CSDC2: variants seen among roughly 807,000 people sequenced by gnomAD.
CSDC2 encodes cold shock domain containing C2, also known as cold shock domain-containing protein C2.
A neutral mutation model predicts 15.8 loss-of-function variants in CSDC2; 8 were observed. That is an observed-to-expected ratio of 0.51 (90% confidence interval 0.30 to 0.92). The LOEUF (loss-of-function observed/expected upper bound fraction) is 0.92, where lower values mean the gene tolerates loss of function less well. Ranked by LOEUF, CSDC2 falls within the 40% of genes least tolerant of loss-of-function variation. The pLI is 0.07. For missense variants in CSDC2, 195 were observed against 213.3 expected, an observed-to-expected ratio of 0.91 and a Z score of 0.53; for synonymous variants, 96 against 92.3, an observed-to-expected ratio of 1.04 and a Z score of -0.23.
In CSDC2 at chr22:41,561,078, ACAC is replaced by A. The variant is rs561904853; in HGVS notation, c.-228_-226del. On this transcript the variant is annotated 5_prime_UTR_variant, in exon 1 of 4. Transcript: ENST00000306149. ...CACACACACACACACACACACACAC[ACAC>A]ATCTTCCAGACCCATCCCCTGCCTG... The A allele has an allele frequency of 0.084, 6,902 of 82,514 alleles. 178 individuals carry two copies. Among genetic ancestry groups the A allele is most frequent in the Non-Finnish European group, 0.11 (3,519 of 30,732 alleles). The allele number at this position is 82,514 out of a possible 1,614,324, so 5.1% of individuals were successfully genotyped here.
chr22:41,569,144 G>A (rs532604740), intron 1 of CSDC2, among the ~76,000 whole-genome samples: 131 of 152,344 alleles, frequency 8.6e-4, no homozygotes, highest in African/African-American at 3.0e-3. Context: ...TGTCCCCATC[G>A]CCTGCCAACC....
intron 1 of CSDC2, among the ~76,000 whole-genome samples, chr22:41,569,298 A>G (rs2067133070): frequency 6.6e-6 from 1 of 152,228 alleles, no homozygotes; most frequent in African/African-American, 2.4e-5. Context: ...ATATACCATA[A>G]AATTCACCTG....
chr22:41,574,224 G>A (rs1249268688), intron 3 of CSDC2, among the ~76,000 whole-genome samples: 1 of 152,192 alleles, frequency 6.6e-6, no homozygotes, highest in East Asian at 1.9e-4. Flanking sequence ...GGTCCCCAAG[G>A]GACCCAGAAA....
chr22:41,568,396 G>A (rs2067127895), intron 1 of CSDC2, among the ~76,000 whole-genome samples: 1 of 152,086 alleles, frequency 6.6e-6, no homozygotes, highest in Admixed American at 6.6e-5. Flanking sequence ...CAATCCTGCT[G>A]CCTCAGATGC....
At position 41,564,353 on chromosome 22, in the gene CSDC2, G is replaced by A. The variant is rs149474478; in HGVS notation, c.-124+3170G>A. The stretch of plus-strand genomic sequence containing the variant: ...CGGCTCACTGCAAGCTCCGTCTCCC[G>A]GGTTCACACCATCCTCCGGCCTCAG... On this transcript the variant is annotated intron_variant, in intron 1 of 3. Transcript: ENST00000306149. Among the ~76,000 whole-genome samples, 1,339 of 152,044 alleles carry A rather than the reference G, an allele frequency of 8.8e-3. 29 individuals carry two copies. The highest frequency in any genetic ancestry group is 0.031 in the African/African-American group (1,269 of 41,494).
intron 1 of CSDC2, among the ~76,000 whole-genome samples, chr22:41,564,466 T>G (rs1375022849): frequency 6.6e-6 from 1 of 152,008 alleles, no homozygotes; most frequent in African/African-American, 2.4e-5. Context: ...TTCACCGTGT[T>G]AGCCAGGATG....
chr22:41,564,461 C>T (rs1043910381), intron 1 of CSDC2, among the ~76,000 whole-genome samples: 2 of 151,960 alleles, frequency 1.3e-5, no homozygotes, highest in Admixed American at 6.6e-5. Context: ...GGGGTTTCAC[C>T]GTGTTAGCCA....
At chr22:41,563,924 A>G (rs971846307) in intron 1 of CSDC2, among the ~76,000 whole-genome samples, 3 of 151,382 alleles carry the variant, frequency 2.0e-5, no homozygotes, top group Admixed American at 2.0e-4. Context: ...ACAAAAAAAA[A>G]AAAAGAAAAA....
Position 41,572,081 on chromosome 22 carries a change from G to T in CSDC2, c.116G>T (p.Gly39Val). Residue 39 changes from glycine (G) to valine (V), a missense_variant, in exon 2 of 4, where the codon GGT (glycine) becomes GTT (valine). Physicochemically the swap from Gly to Val is moderately radical, Grantham distance 109. Coordinates refer to ENST00000306149, the MANE Select transcript of CSDC2 (RefSeq NM_014460.4). ...REGSRVWERG[G>V]VPPRDLPSPL... is the part of the protein sequence containing the mutation. ...GGCAGCAGGGTCTGGGAGCGGGGTG[G>T]TGTCCCACCTCGGGACCTACCCAGC... 1 of 1,362,362 alleles carries T rather than the reference G, an allele frequency of 7.3e-7. No homozygotes were observed. Among genetic ancestry groups the T allele is most frequent in the Non-Finnish European group, 9.5e-7 (1 of 1,053,414 alleles). The allele number at this position is 1,362,362 out of a possible 1,614,324, so 84.4% of individuals were successfully genotyped here. A position where few individuals can be genotyped will look rare whatever the true frequency, so the allele number is the denominator to read the frequency against.
At chr22:41,566,360 C>T (rs1031444962) in intron 1 of CSDC2, among the ~76,000 whole-genome samples, 1 of 149,010 alleles carries the variant, frequency 6.7e-6, no homozygotes, top group African/African-American at 2.5e-5. Flanking sequence ...AGAAGAATCG[C>T]TTGAACCCCA....
chr22:41,574,950 CG>C lies in CSDC2; in HGVS notation c.*58del. The stretch of plus-strand genomic sequence containing the variant: ...GGGTTGGGGAGCCACACAGGGTGAA[CG>C]GGCAGCAGCCGGCTCCATGCCCCAC... On this transcript the variant is annotated 3_prime_UTR_variant, in exon 4 of 4. Transcript: ENST00000306149. The C allele has an allele frequency of 6.5e-7, 1 of 1,533,110 alleles. No individual in the cohort carries two copies. The allele number at this position is 1,533,110 out of a possible 1,614,324, so 95.0% of individuals were successfully genotyped here.
chr22:41,561,437 T>C (rs1203490345), intron 1 of CSDC2, among the ~76,000 whole-genome samples: 1 of 152,164 alleles, frequency 6.6e-6, no homozygotes, highest in Non-Finnish European at 1.5e-5. Flanking sequence ...GTCTGGGACC[T>C]GCGTCTGGCT....
chr22:41,561,969 C>T (rs552899310), intron 1 of CSDC2, among the ~76,000 whole-genome samples: 22 of 152,304 alleles, frequency 1.4e-4, no homozygotes, highest in South Asian at 6.2e-4. Flanking sequence ...AGATAAGGGG[C>T]GACGCTGGCA....
intron 2 of CSDC2, among the ~76,000 whole-genome samples, chr22:41,572,868 G>C (rs1489504635): frequency 1.3e-5 from 2 of 152,146 alleles, no homozygotes; most frequent in African/African-American, 4.8e-5. Context: ...GGGTCCATAT[G>C]GGGGAGGCCA....
intron 1 of CSDC2, among the ~76,000 whole-genome samples, chr22:41,562,372 G>A (rs886761600): frequency 7.1e-6 from 1 of 140,780 alleles, no homozygotes; most frequent in Non-Finnish European, 1.5e-5. Flanking sequence ...TCTGTTTTCT[G>A]TGTCTGCCCA....
chr22:41,572,271 A>T (rs1327949729), intron 2 of CSDC2, 130 bp downstream of exon 2: 1 of 708,380 alleles, frequency 1.4e-6, no homozygotes, highest in East Asian at 3.4e-5. Context: ...CAGTAACTGG[A>T]TGGATGTTTG....
At chr22:41,568,285 C>T (rs1043134096) in intron 1 of CSDC2, among the ~76,000 whole-genome samples, 5 of 151,786 alleles carry the variant, frequency 3.3e-5, no homozygotes, top group African/African-American at 1.2e-4. Context: ...CCACTACACC[C>T]AGCTAATTTT....
chr22:41,561,358 G>A (rs2067083796), intron 1 of CSDC2, among the ~76,000 whole-genome samples, 175 bp downstream of exon 1: 3 of 152,150 alleles, frequency 2.0e-5, no homozygotes, highest in Admixed American at 2.0e-4. Context: ...TTCTCTCCCC[G>A]TGACCCCCAA....
intron 1 of CSDC2, among the ~76,000 whole-genome samples, chr22:41,562,049 G>A (rs2067088824): frequency 6.6e-6 from 1 of 152,322 alleles, no homozygotes; most frequent in South Asian, 2.1e-4. Flanking sequence ...AGGGGAGGGG[G>A]ACACAGAGCG....
Sources: allele counts gnomAD v4.1 joint callset (sites outside exome capture counted in the v4.1 genomes callset), GRCh38; gene constraint gnomAD v4.1.1; transcripts MANE v1.5; gene names NCBI Gene and HGNC (gene_info 2026-07-23, HGNC 2026-07-21).